The following NBAS variants were observed in gnomAD, a reference collection of about 807,000 sequenced individuals.
NBAS encodes NAG/BC035112 fusion.
In NBAS, 219 loss-of-function variants were observed where a neutral mutation model predicts 302.5. The observed-to-expected ratio is 0.72, with a 90% CI of 0.65 to 0.81. The LOEUF is 0.81. Ranked by LOEUF, NBAS falls within the 30% of genes least tolerant of loss-of-function variation. The pLI is 0.00. For synonymous variants in NBAS, 1,118 were observed against 1,021.6 expected, an observed-to-expected ratio of 1.09 and a Z score of -1.80; for missense variants, 2,932 against 2,841.6, an observed-to-expected ratio of 1.03 and a Z score of -0.72.
intron 49 of NBAS, among the ~76,000 whole-genome samples, chr2:15,189,197 T>C (rs542237464): frequency 6.6e-6 from 1 of 152,334 alleles, no homozygotes; most frequent in African/African-American, 2.4e-5. Context: ...CAAGTCAGCA[T>C]GCCATCGCTG....
chr2:15,258,747 AT>A (rs1173334486), intron 44 of NBAS, among the ~76,000 whole-genome samples: 1 of 152,162 alleles, frequency 6.6e-6, no homozygotes, highest in South Asian at 2.1e-4. Context: ...ATAGACCCTT[AT>A]CAGGAGTTTT....
At chr2:14,814,104 A>T in the NBAS span, among the ~76,000 whole-genome samples, 2 of 152,244 alleles carry the variant, frequency 1.3e-5, no homozygotes, top group Non-Finnish European at 2.9e-5. Context: ...CAGAGGATTT[A>T]TGAAAATGCC....
chr2:15,047,354 G>A, the NBAS span, among the ~76,000 whole-genome samples: 2 of 152,374 alleles, frequency 1.3e-5, no homozygotes, highest in Admixed American at 6.5e-5. Flanking sequence ...GTGAAGGCTG[G>A]GCCCACGCAG....
the NBAS span, among the ~76,000 whole-genome samples, chr2:14,943,415 C>T: frequency 5.9e-5 from 9 of 152,184 alleles, no homozygotes; most frequent in Non-Finnish European, 2.9e-5. Context: ...AATAAAAAAG[C>T]GTATCTGCTG....
chr2:15,551,030 T>C (rs923099800), intron 6 of NBAS, among the ~76,000 whole-genome samples: 7 of 152,234 alleles, frequency 4.6e-5, no homozygotes, highest in Non-Finnish European at 7.3e-5. Context: ...TGAGCATCTA[T>C]ATGCTTCATG....
chr2:15,067,159 C>CAAAAAA, the NBAS span, among the ~76,000 whole-genome samples: 2 of 93,344 alleles, frequency 2.1e-5, no homozygotes, highest in African/African-American at 5.0e-5. Context: ...CTTATCTCCA[C>CAAAAAA]AAAAAAAAAA....
At chr2:15,216,612 C>G (rs1184641760) in intron 48 of NBAS, among the ~76,000 whole-genome samples, 1 of 152,184 alleles carries the variant, frequency 6.6e-6, no homozygotes, top group Non-Finnish European at 1.5e-5. Flanking sequence ...AGTCCTTGAA[C>G]TCATATAAAA....
chr2:15,238,192 A>T (rs1267748087), intron 45 of NBAS, among the ~76,000 whole-genome samples: 1 of 152,076 alleles, frequency 6.6e-6, no homozygotes, highest in Non-Finnish European at 1.5e-5. Context: ...TCCATTGTTC[A>T]ACTCCTGCTA....
intron 47 of NBAS, among the ~76,000 whole-genome samples, chr2:15,229,347 C>CAAAAA (rs61152926): frequency 2.1e-4 from 16 of 76,868 alleles, no homozygotes; most frequent in Non-Finnish European, 3.2e-4. Flanking sequence ...TCTCAAAAAA[C>CAAAAA]AAAAAAAAAA....
chr2:15,058,961 AC>A, the NBAS span, among the ~76,000 whole-genome samples: 2 of 152,068 alleles, frequency 1.3e-5, no homozygotes, highest in African/African-American at 4.8e-5. Flanking sequence ...TGCTACAAAC[AC>A]CAGCTTCAGT....
chr2:15,080,738 C>T, the NBAS span, among the ~76,000 whole-genome samples: 2 of 152,336 alleles, frequency 1.3e-5, no homozygotes, highest in East Asian at 3.9e-4. Flanking sequence ...TTGGGCTCAG[C>T]TGAACTGTTG....
At chr2:15,295,245 T>G (rs1426934746) in intron 40 of NBAS, among the ~76,000 whole-genome samples, 1 of 152,248 alleles carries the variant, frequency 6.6e-6, no homozygotes, top group African/African-American at 2.4e-5. Context: ...TATAAGTGTA[T>G]AGCAAGAATG....
intron 38 of NBAS, among the ~76,000 whole-genome samples, chr2:15,321,655 T>C (rs1671812014): frequency 1.3e-5 from 2 of 152,190 alleles, no homozygotes; most frequent in Admixed American, 1.3e-4. Flanking sequence ...CCATTATCAC[T>C]GGCCATCAGA....
intron 26 of NBAS, among the ~76,000 whole-genome samples, 174 bp downstream of exon 26, chr2:15,401,994 T>C (rs1255370507): frequency 6.6e-6 from 1 of 152,196 alleles, no homozygotes; most frequent in Non-Finnish European, 1.5e-5. Context: ...CATATATTGG[T>C]AGGACAAGAA....
At chr2:14,888,596 T>A in the NBAS span, among the ~76,000 whole-genome samples, 3 of 152,304 alleles carry the variant, frequency 2.0e-5, no homozygotes, top group African/African-American at 2.4e-5. Context: ...ACTATTTTTT[T>A]AATATCAACA....
At chr2:15,199,896 A>ATTTTTTTT (rs35760010) in intron 48 of NBAS, among the ~76,000 whole-genome samples, 2 of 121,450 alleles carry the variant, frequency 1.6e-5, no homozygotes, top group African/African-American at 3.2e-5. Context: ...AGAAAGCTGG[A>ATTTTTTTT]TTTTTTTTTT....
chr2:14,895,513 T>C, the NBAS span, among the ~76,000 whole-genome samples: 4 of 151,596 alleles, frequency 2.6e-5, no homozygotes, highest in African/African-American at 4.8e-5. Context: ...AAAAGGCGGG[T>C]GGATCACAAG....
chr2:14,985,374 T>A, the NBAS span, among the ~76,000 whole-genome samples: 1 of 152,166 alleles, frequency 6.6e-6, no homozygotes, highest in Non-Finnish European at 1.5e-5. Flanking sequence ...ATACTTGGGC[T>A]AGCCTGAAAA....
chr2:15,049,092 G>A, the NBAS span, among the ~76,000 whole-genome samples: 68 of 151,940 alleles, frequency 4.5e-4, 1 homozygote, highest in African/African-American at 1.4e-3. Flanking sequence ...TTAAGGAATT[G>A]TGAACTGCTC....
Sources: gnomAD v4.1 joint callset for allele counts (sites outside exome capture counted in the v4.1 genomes callset) on GRCh38, gnomAD v4.1.1 for gene constraint, MANE v1.5 for transcripts, NCBI Gene and HGNC (gene_info 2026-07-23, HGNC 2026-07-21) for gene names.